Variants in DNASE1 observed in about 807,000 individuals in gnomAD.
The protein encoded by DNASE1 is deoxyribonuclease 1.
DNASE1 carries 40 observed loss-of-function variants against 33.9 expected under a neutral mutation model. The ratio of observed to expected loss-of-function variants is 1.18; its 90% CI spans 0.92 to 1.54. The LOEUF (loss-of-function observed/expected upper bound fraction) is 1.54. Ranked by LOEUF, DNASE1 falls within the 40% of genes most tolerant of loss-of-function variation. The pLI is 0.00. For missense variants in DNASE1, 518 were observed against 372.6 expected (o/e 1.39, Z -3.21); for synonymous variants, 216 against 160.0 (o/e 1.35, Z -2.64).
chr16:3,656,351 A>G (rs941195929), intron 4 of DNASE1, among the ~76,000 whole-genome samples, 166 bp downstream of exon 4: 3 of 150,982 alleles, frequency 2.0e-5, no homozygotes, highest in Non-Finnish European at 3.0e-5. Context: ...CAATGGGTTG[A>G]GCAGGTGCCT....
upstream of DNASE1, chr16:3,652,042 C>T (rs1567203877): frequency 6.6e-6 from 1 of 152,414 alleles, no homozygotes; most frequent in South Asian, 2.1e-4. Context: ...GCTGTGCTGC[C>T]CTCACCAAAG....
intron 1 of DNASE1, among the ~76,000 whole-genome samples, chr16:3,627,164 C>T (rs2041539723): frequency 6.6e-6 from 1 of 152,050 alleles, no homozygotes; most frequent in Admixed American, 6.6e-5. Flanking sequence ...AGCCACTGCA[C>T]CCAGCCCTCT....
intron 5 of DNASE1, 53 bp downstream of exon 5, chr16:3,656,806 C>A (rs1167104233): frequency 1.3e-6 from 2 of 1,553,334 alleles, no homozygotes; most frequent in East Asian, 2.4e-5. Context: ...ATGGCCTCCA[C>A]CCCCTCCTAG....
intron 1 of DNASE1, among the ~76,000 whole-genome samples, chr16:3,645,718 G>A (rs187379473): frequency 4.1e-4 from 63 of 152,340 alleles, no homozygotes; most frequent in Non-Finnish European, 7.8e-4. Context: ...CCTGCTGAGC[G>A]TGACTGTGCA....
upstream of DNASE1, among the ~76,000 whole-genome samples, chr16:3,650,196 A>G (rs1451719846): frequency 6.6e-6 from 1 of 152,242 alleles, no homozygotes; most frequent in Non-Finnish European, 1.5e-5. Context: ...CCTGCAGCTC[A>G]TACTTTGAAA....
At chr16:3,627,368 A>AG (rs1168539067) in intron 1 of DNASE1, among the ~76,000 whole-genome samples, 1 of 151,198 alleles carries the variant, frequency 6.6e-6, no homozygotes, top group Non-Finnish European at 1.5e-5. Flanking sequence ...ATTGAACTCT[A>AG]GCTCAAGCCA....
intron 1 of DNASE1, among the ~76,000 whole-genome samples, chr16:3,623,740 G>A (rs1472794618): frequency 6.6e-6 from 1 of 151,798 alleles, no homozygotes; most frequent in East Asian, 1.9e-4. Flanking sequence ...TAGAGAGAAA[G>A]TAGGCAAAGG....
rs1192511571 is a variant in DNASE1 at position 3,664,381 on chromosome 16, T to G, written c.*6428T>G. ...TTGCGGGTGCCGGCCCGCATGCGGC[T>G]GGCGTATTCTGAGAGGCTGGTTAGC... is the stretch of plus-strand genomic sequence containing the variant. On this transcript the variant is annotated 3_prime_UTR_variant, in exon 10 of 10. Transcript: ENST00000407479. The G allele has an allele frequency of 6.2e-7, 1 of 1,612,566 alleles. No homozygotes were observed. The highest frequency in any genetic ancestry group is 1.7e-5 in the Admixed American group (1 of 59,764).
chr16:3,622,213 GAAA>G (rs56171298), intron 1 of DNASE1, among the ~76,000 whole-genome samples: 14 of 68,266 alleles, frequency 2.1e-4, no homozygotes, highest in African/African-American at 6.3e-4. Flanking sequence ...GAGCAAGACT[GAAA>G]AAAAAAAAAA....
intron 1 of DNASE1, among the ~76,000 whole-genome samples, chr16:3,615,302 T>G (rs7190673): frequency 0.4 from 60,908 of 151,982 alleles, 15,774 homozygotes; most frequent in African/African-American, 0.75. Context: ...CTCCCTTCAA[T>G]GAACAAAGCC....
downstream of DNASE1, chr16:3,658,924 T>C (rs1211083116): frequency 1.9e-6 from 3 of 1,564,698 alleles, no homozygotes; most frequent in African/African-American, 4.1e-5. Flanking sequence ...GACCCTCCCT[T>C]CATGTTTTGG....
intron 1 of DNASE1, among the ~76,000 whole-genome samples, chr16:3,614,178 C>T (rs563322410): frequency 6.6e-6 from 1 of 152,010 alleles, no homozygotes; most frequent in Admixed American, 6.6e-5. Flanking sequence ...TCCCAGAGTG[C>T]TGGGATTACA....
Position 3,631,486 on chromosome 16 carries a change from T to C in DNASE1, c.-1358-9229T>C, listed in dbSNP as rs1312637390. ...TCCCAAAGTGCTGAGATTACAGGTGTGAGCCACTGTGCCCAGCCACCTTAT... is the reference window on the plus strand; with the variant it reads ...TCCCAAAGTGCTGAGATTACAGGTGCGAGCCACTGTGCCCAGCCACCTTAT... On this transcript the variant is annotated intron_variant and NMD_transcript_variant, in intron 1 of 11. Coordinates refer to the DNASE1 transcript ENST00000570769. Among the ~76,000 whole-genome samples, 26 of 151,720 alleles carry C rather than the reference T, an allele frequency of 1.7e-4. No individual in the cohort carries two copies. In the East Asian group the frequency reaches 4.5e-3, roughly 26 times the overall value.
upstream of DNASE1, among the ~76,000 whole-genome samples, chr16:3,641,715 G>A (rs1270774394): frequency 6.6e-6 from 1 of 152,184 alleles, no homozygotes; most frequent in African/African-American, 2.4e-5. Context: ...CCTGAGGGTG[G>A]GGCAGTGGGA....
chr16:3,655,461 A>T lies in DNASE1; in HGVS notation c.88A>T (p.Ile30Phe), dbSNP rs750574476. The change falls in exon 2 of 9, where the codon ATC (isoleucine) becomes TTC (phenylalanine). Residue 30 changes from isoleucine to phenylalanine, a missense_variant. Ile to Phe is a conservative substitution (Grantham distance 21). Transcript: ENST00000246949. ...AVSLKIAAFN[I>F]QTFGETKMSN... ...GTCCCTGAAGATCGCAGCCTTCAAC[A>T]TCCAGACATTTGGGGAGACCAAGAT... is the stretch of plus-strand genomic sequence containing the variant. 1 of 1,614,168 alleles carries T rather than the reference A, an allele frequency of 6.2e-7. No homozygotes were observed. Among genetic ancestry groups the T allele is most frequent in the South Asian group, 1.1e-5 (1 of 91,090 alleles).
intron 1 of DNASE1, among the ~76,000 whole-genome samples, chr16:3,648,712 T>G (rs973856614): frequency 1.3e-5 from 2 of 152,250 alleles, no homozygotes; most frequent in Non-Finnish European, 2.9e-5. Flanking sequence ...CTTAAGAGTT[T>G]ACTATTAATA....
At chr16:3,632,197 G>C (rs1358476739) in intron 1 of DNASE1, among the ~76,000 whole-genome samples, 1 of 152,172 alleles carries the variant, frequency 6.6e-6, no homozygotes, top group African/African-American at 2.4e-5. Context: ...GCTGCTGTTG[G>C]ATGAAGTGCT....
chr16:3,645,600 C>G (rs1022096823), intron 1 of DNASE1, among the ~76,000 whole-genome samples: 1 of 152,206 alleles, frequency 6.6e-6, no homozygotes, highest in African/African-American at 2.4e-5. Flanking sequence ...CCGGCGGAGG[C>G]TGAGCCAACA....
intron 1 of DNASE1, among the ~76,000 whole-genome samples, chr16:3,624,042 T>C (rs185135352): frequency 2.0e-5 from 3 of 152,258 alleles, no homozygotes; most frequent in Non-Finnish European, 2.9e-5. Context: ...CCCAGCACTT[T>C]GGGAGGCTAA....
Sources: gnomAD v4.1 joint callset for allele counts (sites outside exome capture counted in the v4.1 genomes callset) on GRCh38, gnomAD v4.1.1 for gene constraint, MANE v1.5 for transcripts, NCBI Gene and HGNC (gene_info 2026-07-23, HGNC 2026-07-21) for gene names.